PYROXD2: variants seen among roughly 807,000 people sequenced by gnomAD.
PYROXD2 encodes the protein pyridine nucleotide-disulfide oxidoreductase domain-containing protein 2.
Under a neutral mutation model 71.1 loss-of-function variants are expected in PYROXD2, and 69 were observed. That is an observed-to-expected ratio of 0.97 (90% CI 0.80 to 1.19). PYROXD2 has a LOEUF of 1.19. Among genes scored for constraint, PYROXD2 ranks in the 50% most tolerant of loss-of-function variants. The probability of loss-of-function intolerance (pLI) is 0.00; values close to 1 mark genes in which losing one functional copy is unlikely to be tolerated. For missense variants in PYROXD2, 745 were observed against 748.9 expected, an observed-to-expected ratio of 0.99 and a Z score of 0.06; for synonymous variants, 287 against 302.7, an observed-to-expected ratio of 0.95 and a Z score of 0.54.
In PYROXD2 at chr10:98,385,042, A is replaced by G; in HGVS notation, c.1580T>C (p.Leu527Pro). ...GGNIFHCAMS[L>P]DQLYFARPVP... ...GGGGCGGGCGAAGTAGAGCTGGTCC[A>G]GGGACATGGCGCAGTGGAATATGTT... The change falls in exon 15 of 16, where the codon CTG becomes CCG. Residue 527 changes from leucine (L) to proline (P), a missense_variant. Physicochemically the swap from Leu to Pro is moderately conservative, Grantham distance 98 (BLOSUM62 -3). Transcript: ENST00000370575. The G allele has an allele frequency of 6.2e-7, 1 of 1,613,912 alleles. No homozygotes were observed. Among genetic ancestry groups the G allele is most frequent in the Non-Finnish European group, 8.5e-7 (1 of 1,179,906 alleles).
chr10:98,393,340 C>G (rs1485501221), intron 8 of PYROXD2, among the ~76,000 whole-genome samples: 2 of 152,214 alleles, frequency 1.3e-5, no homozygotes, highest in African/African-American at 2.4e-5. Flanking sequence ...AGCTCCAGCC[C>G]TCTCCTGAGC....
At position 98,388,339 on chromosome 10, in the gene PYROXD2, T is replaced by C; in HGVS notation, c.1447+15A>G. 6.2e-7 allele frequency: 1 copy of C among 1,613,642 alleles called. No individual in the cohort carries two copies. The highest frequency in any genetic ancestry group is 8.5e-7 in the Non-Finnish European group (1 of 1,179,894). ...CGGCTGTGGCTCTGGAGGCAGAACG[T>C]GCAGCTGTCTTTACCTCTGTCTGCA... On this transcript the variant is annotated intron_variant, in intron 13 of 15. Coordinates refer to ENST00000370575, the MANE Select transcript of PYROXD2 (RefSeq NM_032709.3).
chr10:98,411,086 C>A, intron 1 of PYROXD2, 128 bp from the exon 2 acceptor site: 7 of 1,315,418 alleles, frequency 5.3e-6, no homozygotes, highest in Non-Finnish European at 7.4e-6. Flanking sequence ...CCCTCCCCTC[C>A]CCTTCCCGCA....
At position 98,390,717 on chromosome 10, in the gene PYROXD2, G is replaced by C; in HGVS notation, c.1173C>G (p.Pro391=). The change falls in exon 12 of 16, where the codon CCC becomes CCG. Residue 391 remains proline, a synonymous_variant. Coordinates refer to ENST00000370575, the MANE Select transcript of PYROXD2 (RefSeq NM_032709.3). ...VDRLPSFLAA[P]NAPRGQPLPH... ...GCAGCGGCTGGCCCCTGGGAGCATT[G>C]GGGGCCGCCAGGAAGCTGGGCAGCC... 5 of 1,609,140 alleles carry C rather than the reference G, an allele frequency of 3.1e-6. No homozygotes were observed. The highest frequency in any genetic ancestry group is 4.2e-6 in the Non-Finnish European group (5 of 1,177,508).
At chr10:98,389,216 T>C (rs1223172620) in intron 12 of PYROXD2, among the ~76,000 whole-genome samples, 1 of 152,126 alleles carries the variant, frequency 6.6e-6, no homozygotes, top group Non-Finnish European at 1.5e-5. Flanking sequence ...TTTCAGTAAA[T>C]GGAGGCATCA....
intron 1 of PYROXD2, 118 bp downstream of exon 1, chr10:98,414,891 G>A: frequency 7.1e-7 from 1 of 1,416,910 alleles, no homozygotes; most frequent in African/African-American, 1.4e-5. Flanking sequence ...ACTTCTGGCT[G>A]GGTTATGCCA....
chr10:98,400,321 C>A (rs1012389669), intron 4 of PYROXD2, 64 bp from the exon 5 acceptor site: 8 of 1,491,616 alleles, frequency 5.4e-6, no homozygotes, highest in African/African-American at 1.4e-5. Context: ...CATCATCTTT[C>A]TCCGATTGTG....
Position 98,383,694 on chromosome 10 carries a change from G to A in PYROXD2, c.*104C>T. On this transcript the variant is annotated 3_prime_UTR_variant, in exon 16 of 16. Transcript: ENST00000370575. ...AAATAATTTCTTGAGCATTGTGGTG[G>A]CCTTATGTACTAACCCGAAGCTGAA... is the stretch of plus-strand genomic sequence containing the variant. 1.1e-6 allele frequency: 1 copy of A among 880,738 alleles called. No individual in the cohort carries two copies. Among genetic ancestry groups the A allele is most frequent in the Non-Finnish European group, 1.9e-6 (1 of 523,252 alleles). The allele number at this position is 880,738 out of a possible 1,614,324, so 54.6% of individuals were successfully genotyped here.
At chr10:98,402,886 A>G (rs1474449829) in intron 4 of PYROXD2, among the ~76,000 whole-genome samples, 1 of 152,264 alleles carries the variant, frequency 6.6e-6, no homozygotes, top group East Asian at 1.9e-4. Context: ...CTCCGCGTGT[A>G]GACACAGTGT....
intron 6 of PYROXD2, among the ~76,000 whole-genome samples, chr10:98,395,696 A>C (rs762284036): frequency 6.6e-5 from 10 of 152,198 alleles, no homozygotes; most frequent in Non-Finnish European, 1.5e-4. Flanking sequence ...ATCCTATTTT[A>C]CACCCCAAGG....
intron 2 of PYROXD2, 63 bp from the exon 3 acceptor site, chr10:98,408,060 G>T: frequency 6.7e-7 from 1 of 1,496,736 alleles, no homozygotes; most frequent in Middle Eastern, 1.7e-4. Context: ...GGGCTCCCTC[G>T]GGCTGACCCG....
intron 14 of PYROXD2, among the ~76,000 whole-genome samples, chr10:98,386,319 A>G (rs936817803): frequency 1.3e-4 from 16 of 119,762 alleles, no homozygotes; most frequent in African/African-American, 6.4e-4. Context: ...GGAAACAAGG[A>G]AGGGAGGGAG....
At chr10:98,387,353 G>C (rs1183225576) in intron 13 of PYROXD2, 46 bp from the exon 14 acceptor site, 2 of 1,413,488 alleles carry the variant, frequency 1.4e-6, no homozygotes, top group East Asian at 4.6e-5. Flanking sequence ...AGGAAGAAGA[G>C]GAGGCACTAT....
Position 98,392,439 on chromosome 10 carries a change from G to A in PYROXD2, c.1055C>T (p.Thr352Met), listed in dbSNP as rs138250531. 1.4e-4 allele frequency: 219 copies of A among 1,613,386 alleles called. No homozygotes were observed. The highest frequency in any genetic ancestry group is 3.0e-4 in the Admixed American group (18 of 60,000). Residue 352 changes from threonine (T) to methionine (M), a missense_variant, in exon 10 of 16, where the codon ACG becomes ATG. Coordinates refer to ENST00000370575, the MANE Select transcript of PYROXD2 (RefSeq NM_032709.3). ...TCCTGCCCACAGCCTCACCTGTGGC[G>A]TCAGCTTCAGGAAGGTGATCTGCGG... Reference protein sequence around the residue: ...TSPQITFLKLTPQEWLPEEFL... With the variant: ...TSPQITFLKLMPQEWLPEEFL...
Position 98,407,916 on chromosome 10 carries a change from C to T in PYROXD2, c.229G>A (p.Glu77Lys). 2.5e-6 allele frequency: 4 copies of T among 1,608,554 alleles called. No individual in the cohort carries two copies. The highest frequency in any genetic ancestry group is 3.4e-6 in the Non-Finnish European group (4 of 1,177,846). Residue 77 changes from glutamate to lysine, a missense_variant, in exon 3 of 16, where the codon GAG becomes AAG. Physicochemically the swap from Glu to Lys is moderately conservative, Grantham distance 56. Transcript: ENST00000370575. ...CATCAGAGCTCACCTGGGATGATCTCCTCAGTGACAGCTGCACCCCCGATC... is the reference window on the plus strand; with the variant it reads ...CATCAGAGCTCACCTGGGATGATCTTCTCAGTGACAGCTGCACCCCCGATC... The part of the protein sequence containing the change: ...HVIGGAAVTE[E>K]IIPGFKFSRA...
chr10:98,387,311 G>T lies in PYROXD2; in HGVS notation c.1448-4C>A. On this transcript the variant is annotated splice_region_variant and splice_polypyrimidine_tract_variant and intron_variant, in intron 13 of 15. Coordinates refer to ENST00000370575, the MANE Select transcript of PYROXD2 (RefSeq NM_032709.3). Reference sequence around the variant, plus strand: ...TAGACCTCGATGCAATCAAACACTGGGGTGCCAAAAACAGAGAAATGAGAT... The same window carrying T: ...TAGACCTCGATGCAATCAAACACTGTGGTGCCAAAAACAGAGAAATGAGAT... 8 of 1,609,046 alleles carry T rather than the reference G, an allele frequency of 5.0e-6. No homozygotes were observed. The highest frequency in any genetic ancestry group is 6.8e-6 in the Non-Finnish European group (8 of 1,175,742).
intron 5 of PYROXD2, among the ~76,000 whole-genome samples, chr10:98,398,874 G>A (rs985457878): frequency 6.6e-6 from 1 of 152,044 alleles, no homozygotes; most frequent in Non-Finnish European, 1.5e-5. Context: ...GGTGGTTCAT[G>A]CCTGTAATCC....
chr10:98,397,661 G>A (rs1843238795), intron 5 of PYROXD2, among the ~76,000 whole-genome samples, 163 bp from the exon 6 acceptor site: 1 of 152,104 alleles, frequency 6.6e-6, no homozygotes, highest in Non-Finnish European at 1.5e-5. Context: ...CAGGTCTCTG[G>A]GTTAACATCA....
Position 98,407,645 on chromosome 10 carries a change from G to A in PYROXD2, c.252C>T (p.Phe84=), listed in dbSNP as rs777218330. The A allele has an allele frequency of 1.3e-5, 21 of 1,613,850 alleles. 3 individuals are homozygous for A. Among genetic ancestry groups the A allele is most frequent in the African/African-American group, 2.7e-5 (2 of 74,916 alleles). The change falls in exon 4 of 16, where the codon TTC becomes TTT. Residue 84 remains phenylalanine, a synonymous_variant. Transcript: ENST00000370575. The part of the protein sequence containing the change: ...VTEEIIPGFK[F]SRASYLLSLL... ...GGCTGAGCAGGTAGGACGCGCGGGA[G>A]AACTTAAACCCTGAAACCGAATCCG...
Sources: allele counts gnomAD v4.1 joint callset (sites outside exome capture counted in the v4.1 genomes callset), GRCh38; gene constraint gnomAD v4.1.1; transcripts MANE v1.5; gene names NCBI Gene and HGNC (gene_info 2026-07-23, HGNC 2026-07-21).